POU6F2: variants seen among roughly 807,000 people sequenced by gnomAD.
The protein encoded by POU6F2 is POU domain, class 6, transcription factor 2.
A neutral mutation model predicts 71.3 loss-of-function variants in POU6F2; 31 were observed. The observed-to-expected ratio is 0.43, with a 90% confidence interval of 0.33 to 0.59. POU6F2 has a LOEUF of 0.59. POU6F2 is among the 20% of genes least tolerant of loss of function. POU6F2 has a pLI of 0.04. For synonymous variants in POU6F2, 347 were observed against 355.7 expected, an observed-to-expected ratio of 0.98 and a Z score of 0.27; for missense variants, 783 against 856.8, an observed-to-expected ratio of 0.91 and a Z score of 1.07.
At chr7:39,446,130 A>G (rs1035565335) in intron 7 of POU6F2, among the ~76,000 whole-genome samples, 1 of 152,232 alleles carries the variant, frequency 6.6e-6, no homozygotes, top group Non-Finnish European at 1.5e-5. Flanking sequence ...GAAAAATGCC[A>G]ACTAGGGCAG....
At chr7:39,352,481 C>G (rs1583544844) in intron 5 of POU6F2, among the ~76,000 whole-genome samples, 1 of 152,258 alleles carries the variant, frequency 6.6e-6, no homozygotes, top group East Asian at 1.9e-4. Flanking sequence ...ACAAAATGAT[C>G]CTTAAAATGT....
chr7:39,292,829 C>T (rs1784785718), intron 4 of POU6F2, among the ~76,000 whole-genome samples: 1 of 152,106 alleles, frequency 6.6e-6, no homozygotes, highest in Non-Finnish European at 1.5e-5. Context: ...AAGCTGTTTT[C>T]CTCATCTAGC....
chr7:39,311,545 G>A (rs1355152695), intron 4 of POU6F2, among the ~76,000 whole-genome samples: 4 of 152,154 alleles, frequency 2.6e-5, no homozygotes, highest in Non-Finnish European at 4.4e-5. Flanking sequence ...AACAGTGCCC[G>A]GCCCTTACTA....
intron 1 of POU6F2, among the ~76,000 whole-genome samples, chr7:38,998,816 AT>A (rs757703122): frequency 0.014 from 1,651 of 116,520 alleles, 14 homozygotes; most frequent in African/African-American, 0.038. Flanking sequence ...CACCCGGCTA[AT>A]TTTTTTTTTT....
intron 2 of POU6F2, among the ~76,000 whole-genome samples, chr7:39,183,950 A>G (rs902716593): frequency 2.6e-5 from 4 of 152,206 alleles, no homozygotes; most frequent in Admixed American, 2.6e-4. Flanking sequence ...TTTCCAACAT[A>G]AAATCCACTC....
chr7:39,007,634 T>C (rs902689367), intron 1 of POU6F2, among the ~76,000 whole-genome samples: 3 of 152,196 alleles, frequency 2.0e-5, no homozygotes, highest in African/African-American at 7.2e-5. Context: ...CACTAACTCA[T>C]CATCTAGCAT....
chr7:39,138,804 A>G (rs1188260395), intron 2 of POU6F2, among the ~76,000 whole-genome samples: 1 of 152,188 alleles, frequency 6.6e-6, no homozygotes, highest in African/African-American at 2.4e-5. Flanking sequence ...GTCTTCCACC[A>G]AACTGGTCCC....
At chr7:39,155,673 A>AGG (rs1467173215) in intron 2 of POU6F2, among the ~76,000 whole-genome samples, 4 of 152,230 alleles carry the variant, frequency 2.6e-5, no homozygotes, top group Non-Finnish European at 5.9e-5. Flanking sequence ...GTTGTGTCAG[A>AGG]GGATGCATAA....
rs765896780 is a variant in POU6F2, at chr7:39,339,921, C to A, written c.878C>A (p.Ser293Tyr). ...HSHSQNQNQP[S>Y]PTQQSSSPPQ... ...CACTCCCAGAACCAGAACCAACCAT[C>A]TCCAACCCAGCAGAGCTCCAGCCCC... The change falls in exon 5 of 10, where the codon TCT (serine) becomes TAT (tyrosine). Residue 293 changes from serine to tyrosine, a missense_variant. Physicochemically the swap from Ser to Tyr is moderately radical, Grantham distance 144. Transcript: ENST00000518318. 20 of 1,613,846 alleles carry A rather than the reference C, an allele frequency of 1.2e-5. No homozygotes were observed. The South Asian group carries it at 1.6e-4, about 13-fold the overall frequency.
At chr7:39,260,583 CAT>C (rs1456433155) in intron 4 of POU6F2, among the ~76,000 whole-genome samples, 8 of 151,420 alleles carry the variant, frequency 5.3e-5, no homozygotes, top group African/African-American at 7.3e-5. Context: ...ATTCCACACA[CAT>C]ACCACATACC....
intron 2 of POU6F2, among the ~76,000 whole-genome samples, chr7:39,103,683 C>T (rs1477618082): frequency 6.6e-6 from 1 of 152,156 alleles, no homozygotes; most frequent in Non-Finnish European, 1.5e-5. Context: ...ATTCTTTTCT[C>T]TCTGTTTCTA....
intron 4 of POU6F2, among the ~76,000 whole-genome samples, chr7:39,258,361 T>C (rs1381942552): frequency 6.6e-6 from 1 of 152,196 alleles, no homozygotes; most frequent in Non-Finnish European, 1.5e-5. Context: ...TATTAAAAAC[T>C]GTGTTCTGGA....
intron 2 of POU6F2, among the ~76,000 whole-genome samples, chr7:39,168,270 G>C (rs1476060372): frequency 2.0e-5 from 3 of 152,114 alleles, no homozygotes; most frequent in Non-Finnish European, 4.4e-5. Flanking sequence ...GAACATTTTT[G>C]TATCTGGGTT....
At chr7:39,015,815 T>TATATATTATATAGATATATATA (rs1562670576) in intron 1 of POU6F2, among the ~76,000 whole-genome samples, 44 of 69,382 alleles carry the variant, frequency 6.3e-4, no homozygotes, top group African/African-American at 2.1e-3. Flanking sequence ...ATTATATAGG[T>TATATATTATATAGATATATATA]ATATATTATA....
At chr7:39,263,794 GGT>G (rs1784188781) in intron 4 of POU6F2, among the ~76,000 whole-genome samples, 1 of 152,074 alleles carries the variant, frequency 6.6e-6, no homozygotes, top group Non-Finnish European at 1.5e-5. Flanking sequence ...CTATCACCAT[GGT>G]CCATGTCCAG....
chr7:39,428,703 T>G (rs1283081347), intron 6 of POU6F2, among the ~76,000 whole-genome samples: 1 of 152,034 alleles, frequency 6.6e-6, no homozygotes, highest in Non-Finnish European at 1.5e-5. Context: ...CTGTAGTCCC[T>G]CACCACTTGA....
chr7:39,171,243 A>G (rs1284733011), intron 2 of POU6F2, among the ~76,000 whole-genome samples: 1 of 151,948 alleles, frequency 6.6e-6, no homozygotes, highest in African/African-American at 2.4e-5. Context: ...CCCTGTGTCC[A>G]TAAGTTCACA....
In POU6F2 at chr7:39,376,723, A is replaced by G. The variant is rs148487031; in HGVS notation, c.973-29877A>G. Among the ~76,000 whole-genome samples the G allele has an allele frequency of 1.2e-4, 19 of 152,298 alleles. 2 individuals are homozygous for G. The highest frequency in any genetic ancestry group is 1.2e-3 in the Admixed American group (19 of 15,296). ...ATTTGCTATTAAAATAGTGGCAATC[A>G]CAACACTGGAAAAGCCTCCAGTTCC... On this transcript the variant is annotated intron_variant, in intron 5 of 9. Coordinates refer to ENST00000518318, the MANE Select transcript of POU6F2 (RefSeq NM_001370959.1).
chr7:39,433,452 A>C (rs1788159798), intron 7 of POU6F2, among the ~76,000 whole-genome samples, 169 bp downstream of exon 7: 2 of 152,198 alleles, frequency 1.3e-5, no homozygotes, highest in African/African-American at 4.8e-5. Context: ...TTTCATTCTT[A>C]ATGAATATGG....
Sources: allele counts gnomAD v4.1 joint callset (sites outside exome capture counted in the v4.1 genomes callset), GRCh38; gene constraint gnomAD v4.1.1; transcripts MANE v1.5; gene names NCBI Gene and HGNC (gene_info 2026-07-23, HGNC 2026-07-21).